Variants in EPS15 observed in about 807,000 individuals in gnomAD.
EPS15 encodes epidermal growth factor receptor substrate 15.
In EPS15, 72 loss-of-function variants were observed where a neutral mutation model predicts 113.8. The observed-to-expected ratio is 0.63, with a 90% CI of 0.52 to 0.77. The LOEUF (loss-of-function observed/expected upper bound fraction) is 0.77, where lower values mean the gene tolerates loss of function less well. EPS15 is among the 30% of genes least tolerant of loss of function. EPS15 has a pLI of 0.00. For synonymous variants in EPS15, 344 were observed against 363.4 expected (o/e 0.95, Z 0.61); for missense variants, 1,048 against 1,045.8 (o/e 1.00, Z -0.03).
chr1:51,468,162 T>A (rs992811104), intron 5 of EPS15, among the ~76,000 whole-genome samples: 2 of 152,052 alleles, frequency 1.3e-5, no homozygotes, highest in African/African-American at 4.8e-5. Context: ...GGTCTCGCTT[T>A]GTTTCCCAGC....
chr1:51,406,499 C>T (rs186295008), intron 15 of EPS15, among the ~76,000 whole-genome samples: 10 of 152,074 alleles, frequency 6.6e-5, no homozygotes, highest in African/African-American at 2.4e-4. Context: ...AATGGCTATA[C>T]CTGTAGACTT....
At chr1:51,357,424 A>T (rs1220813407) in intron 24 of EPS15, among the ~76,000 whole-genome samples, 2,553 of 67,886 alleles carry the variant, frequency 0.038, 43 homozygotes, top group East Asian at 0.047. Flanking sequence ...ATATATATAT[A>T]TATTTTTTTT....
chr1:51,411,864 C>T (rs1053867022), intron 13 of EPS15, among the ~76,000 whole-genome samples: 22 of 152,156 alleles, frequency 1.4e-4, no homozygotes, highest in Non-Finnish European at 2.8e-4. Flanking sequence ...TGGGTATATA[C>T]CCAAAGGATT....
chr1:51,423,103 C>T lies in EPS15; in HGVS notation c.1041-1245G>A, dbSNP rs1299230155. 18 of 787,714 alleles carry T rather than the reference C, an allele frequency of 2.3e-5. No homozygotes were observed. In the Middle Eastern group the frequency reaches 8.8e-4, roughly 39 times the overall value. The allele number at this position is 787,714 out of a possible 1,614,324, so 48.8% of individuals were successfully genotyped here. On this transcript the variant is annotated intron_variant, in intron 12 of 24. Coordinates refer to ENST00000371733, the MANE Select transcript of EPS15 (RefSeq NM_001981.3). ...AGACAAAAATCAACTGTTTTGGATA[C>T]GTAGGCACAATGTTCTTAAGATGTC...
intron 6 of EPS15, 149 bp downstream of exon 6, chr1:51,465,112 T>C (rs771554735): frequency 2.1e-6 from 1 of 479,936 alleles, no homozygotes; most frequent in African/African-American, 2.0e-5. Context: ...AGCCGAAAGA[T>C]CCCTCAGAAA....
In EPS15 at chr1:51,398,962, GTAT is replaced by G. The variant is rs905419952; in HGVS notation, c.2052+67_2052+69del. 7.5e-5 allele frequency: 100 copies of G among 1,335,884 alleles called. No individual in the cohort carries two copies. In the African/African-American group the frequency reaches 1.4e-3, roughly 18 times the overall value. The allele number at this position is 1,335,884 out of a possible 1,614,324, so 82.8% of individuals were successfully genotyped here. A position where few individuals can be genotyped will look rare whatever the true frequency, so the allele number is the denominator to read the frequency against. ...TAAATGAGGGTTCTTTCATCACTAT[GTAT>G]TTCAAGAAACTTGCTTAGGACACTT... On this transcript the variant is annotated intron_variant, in intron 20 of 24. Transcript: ENST00000371733.
At chr1:51,402,564 C>A in intron 17 of EPS15, 39 bp from the exon 18 acceptor site, 2 of 1,087,994 alleles carry the variant, frequency 1.8e-6, no homozygotes, top group East Asian at 2.6e-5. Context: ...TTTTAGAAAC[C>A]AAAGTTTTAA....
At chr1:51,398,337 G>A (rs1648174589) in intron 20 of EPS15, among the ~76,000 whole-genome samples, 1 of 152,148 alleles carries the variant, frequency 6.6e-6, no homozygotes, top group African/African-American at 2.4e-5. Flanking sequence ...ACAGGCGTGA[G>A]CCACCGCGCC....
At chr1:51,409,295 T>C (rs927534367) in intron 14 of EPS15, among the ~76,000 whole-genome samples, 1 of 152,090 alleles carries the variant, frequency 6.6e-6, no homozygotes, top group Non-Finnish European at 1.5e-5. Flanking sequence ...GAGTTGAAGG[T>C]ATAGGCACCA....
chr1:51,383,356 T>A (rs2148384904), intron 21 of EPS15, among the ~76,000 whole-genome samples: 1 of 152,318 alleles, frequency 6.6e-6, no homozygotes, highest in Non-Finnish European at 1.5e-5. Flanking sequence ...TTCTACCACT[T>A]CTATTCAATA....
chr1:51,467,857 G>A (rs1184146649), intron 5 of EPS15, among the ~76,000 whole-genome samples: 1 of 152,124 alleles, frequency 6.6e-6, no homozygotes, highest in Non-Finnish European at 1.5e-5. Context: ...CAGGTCCATG[G>A]AAAAATTGTC....
At chr1:51,442,927 C>A (rs1037442965) in intron 11 of EPS15, among the ~76,000 whole-genome samples, 1 of 151,780 alleles carries the variant, frequency 6.6e-6, no homozygotes, top group African/African-American at 2.4e-5. Context: ...AGGAAAGCAA[C>A]ATTCAAAAAA....
intron 13 of EPS15, among the ~76,000 whole-genome samples, chr1:51,416,721 CTGA>C (rs1650254201): frequency 1.3e-5 from 2 of 151,912 alleles, no homozygotes; most frequent in Admixed American, 1.3e-4. Flanking sequence ...AGATGTACAA[CTGA>C]TGAAGTTACT....
intron 19 of EPS15, 22 bp downstream of exon 19, chr1:51,400,896 T>A (rs779944365): frequency 3.9e-6 from 6 of 1,526,880 alleles, no homozygotes; most frequent in Non-Finnish European, 4.5e-6. Context: ...AAAGCTAAGA[T>A]GAAACTCAAT....
At chr1:51,404,909 C>T (rs1424687236) in intron 16 of EPS15, among the ~76,000 whole-genome samples, 1 of 152,156 alleles carries the variant, frequency 6.6e-6, no homozygotes, top group East Asian at 1.9e-4. Context: ...ACTAGAAGCG[C>T]CTCATCTCTT....
At chr1:51,414,923 A>C (rs1450996344) in intron 13 of EPS15, among the ~76,000 whole-genome samples, 1 of 152,230 alleles carries the variant, frequency 6.6e-6, no homozygotes, top group East Asian at 1.9e-4. Flanking sequence ...AGCTCTCTCT[A>C]GAAAGGCTTT....
chr1:51,431,169 C>A (rs986832039), intron 12 of EPS15, among the ~76,000 whole-genome samples: 2 of 151,740 alleles, frequency 1.3e-5, no homozygotes, highest in African/African-American at 4.8e-5. Flanking sequence ...AAATTAGTAG[C>A]CATTAATTAT....
intron 12 of EPS15, among the ~76,000 whole-genome samples, chr1:51,426,311 T>G (rs1006448401): frequency 6.6e-6 from 1 of 150,414 alleles, no homozygotes; most frequent in Non-Finnish European, 1.5e-5. Context: ...GGTCGAAGCT[T>G]AGCCAAAGTA....
chr1:51,459,642 A>G (rs1654283257), intron 8 of EPS15, among the ~76,000 whole-genome samples: 1 of 152,186 alleles, frequency 6.6e-6, no homozygotes, highest in East Asian at 1.9e-4. Flanking sequence ...AGCCTTAACT[A>G]ATTTTTTTAA....
Sources: allele counts gnomAD v4.1 joint callset (sites outside exome capture counted in the v4.1 genomes callset), GRCh38; gene constraint gnomAD v4.1.1; transcripts MANE v1.5; gene names NCBI Gene and HGNC (gene_info 2026-07-23, HGNC 2026-07-21).